CCDC149: variants seen among roughly 807,000 people sequenced by gnomAD.
CCDC149 encodes coiled-coil domain-containing protein 149.
In CCDC149, 45 loss-of-function variants were observed where a neutral mutation model predicts 59.9. The ratio of observed to expected loss-of-function variants is 0.75; its 90% CI spans 0.59 to 0.96. CCDC149 has a LOEUF of 0.96. Among genes scored for constraint, CCDC149 ranks in the 40% least tolerant of loss-of-function variants. The pLI, the probability that CCDC149 is intolerant of heterozygous loss-of-function variation, is 0.00. For missense variants in CCDC149, 584 were observed against 664.7 expected, an observed-to-expected ratio of 0.88 and a Z score of 1.33; for synonymous variants, 245 against 260.6, an observed-to-expected ratio of 0.94 and a Z score of 0.58.
intron 1 of CCDC149, among the ~76,000 whole-genome samples, chr4:24,935,786 A>G (rs1722721375): frequency 6.6e-6 from 1 of 152,228 alleles, no homozygotes; most frequent in Non-Finnish European, 1.5e-5. Context: ...GACACAATGA[A>G]TATATGAGTC....
intron 3 of CCDC149, among the ~76,000 whole-genome samples, chr4:24,870,957 A>C (rs1719003037): frequency 6.6e-6 from 1 of 150,910 alleles, no homozygotes. Context: ...AGGCAGGAGA[A>C]TGTCATGAAC....
chr4:24,904,430 G>A (rs753269094), intron 1 of CCDC149, among the ~76,000 whole-genome samples: 64 of 152,290 alleles, frequency 4.2e-4, no homozygotes, highest in Middle Eastern at 3.4e-3. Flanking sequence ...GGAGCAGTAC[G>A]TTTGCTGCTA....
chr4:24,921,356 T>G (rs930007223), intron 1 of CCDC149, among the ~76,000 whole-genome samples: 1 of 152,230 alleles, frequency 6.6e-6, no homozygotes, highest in African/African-American at 2.4e-5. Flanking sequence ...TGGTAAATTA[T>G]CACTATTCTG....
Position 24,835,745 on chromosome 4 carries a change from C to T in CCDC149, c.735+691G>A, listed in dbSNP as rs755847151. 5.9e-5 allele frequency among the ~76,000 whole-genome samples: 9 copies of T among 152,086 alleles called. No homozygotes were observed. The East Asian group carries it at 1.5e-3, about 26-fold the overall frequency. On this transcript the variant is annotated intron_variant, in intron 7 of 12. Transcript: ENST00000635206. ...GCACGGAGACTTGTGAGAACAAATG[C>T]TAATGTCAAAAGCCAGGAAAATAAG... is the stretch of plus-strand genomic sequence containing the variant.
intron 1 of CCDC149, among the ~76,000 whole-genome samples, chr4:24,957,179 C>CT (rs1723489430): frequency 6.6e-6 from 1 of 152,164 alleles, no homozygotes; most frequent in African/African-American, 2.4e-5. Context: ...CCAGAGCTGT[C>CT]TTTTATAACC....
intron 3 of CCDC149, among the ~76,000 whole-genome samples, chr4:24,855,052 T>C (rs920470896): frequency 6.6e-5 from 10 of 152,200 alleles, no homozygotes; most frequent in African/African-American, 2.4e-4. Context: ...TGACTCCTTG[T>C]CTCCCTCTCC....
In CCDC149 at chr4:24,816,994, G is replaced by A. The variant is rs372463906; in HGVS notation, c.1192+2865C>T. 1.6e-4 allele frequency among the ~76,000 whole-genome samples: 25 copies of A among 152,240 alleles called. No individual in the cohort carries two copies. In the East Asian group the frequency reaches 2.9e-3, roughly 18 times the overall value. On this transcript the variant is annotated intron_variant, in intron 12 of 12. Coordinates refer to ENST00000635206, the MANE Select transcript of CCDC149 (RefSeq NM_001330643.2). ...GATGCGACAGTGATGAGGCCATCCC[G>A]GACGCTGACAGCCACGGCGTAAACA... is the stretch of plus-strand genomic sequence containing the variant.
chr4:24,900,973 C>T (rs1472392073), intron 1 of CCDC149, among the ~76,000 whole-genome samples: 1 of 152,150 alleles, frequency 6.6e-6, no homozygotes, highest in Non-Finnish European at 1.5e-5. Context: ...TGAAGAGGCT[C>T]GAACACCAGG....
At position 24,808,057 on chromosome 4, in the gene CCDC149, A is replaced by G. The variant is rs1714321141; in HGVS notation, c.*332T>C. 5.1e-6 allele frequency: 1 copy of G among 194,198 alleles called. No individual in the cohort carries two copies. The highest frequency in any genetic ancestry group is 6.0e-5 in the Admixed American group (1 of 16,790). 12.0% of individuals were successfully genotyped at this position (194,198 alleles called of 1,614,324 possible). On this transcript the variant is annotated 3_prime_UTR_variant, in exon 13 of 13. Transcript: ENST00000635206. The stretch of plus-strand genomic sequence containing the variant: ...CAACATTAAATGCTAATACAAAAAC[A>G]TCTTATCTCTGATAAAACAAAAGCT...
At chr4:24,889,108 A>T (rs1007435127) in intron 1 of CCDC149, among the ~76,000 whole-genome samples, 26 of 152,162 alleles carry the variant, frequency 1.7e-4, no homozygotes, top group African/African-American at 5.8e-4. Context: ...AAATTCACTG[A>T]CAGTCTTGGC....
intron 1 of CCDC149, among the ~76,000 whole-genome samples, chr4:24,940,217 C>A (rs1722913881): frequency 2.6e-5 from 4 of 152,200 alleles, no homozygotes; most frequent in Admixed American, 1.3e-4. Flanking sequence ...CTCTACAAGC[C>A]AGAAGAGAGT....
At chr4:24,913,322 C>T (rs1478752299), upstream of CCDC149, among the ~76,000 whole-genome samples, 2 of 152,202 alleles carry the variant, frequency 1.3e-5, no homozygotes, top group African/African-American at 4.8e-5. Context: ...ACCATCACGA[C>T]TCCCACGCCT....
At chr4:24,885,709 A>G (rs1720131421) in intron 1 of CCDC149, among the ~76,000 whole-genome samples, 2 of 152,204 alleles carry the variant, frequency 1.3e-5, no homozygotes, top group Admixed American at 6.5e-5. Flanking sequence ...TAATGCCTCC[A>G]CTTTTGCTCT....
chr4:24,893,611 GAC>G (rs1720654036), intron 1 of CCDC149, among the ~76,000 whole-genome samples: 2 of 12,494 alleles, frequency 1.6e-4, no homozygotes, highest in Non-Finnish European at 3.7e-4. Flanking sequence ...CTAAAATACA[GAC>G]TTTTTTTTTT....
At chr4:24,824,157 G>A (rs376472041) in intron 9 of CCDC149, among the ~76,000 whole-genome samples, 9 of 152,202 alleles carry the variant, frequency 5.9e-5, no homozygotes. Context: ...AAGGTGTGCT[G>A]AAGAGATATT....
At chr4:24,869,267 A>C (rs2109227869) in intron 3 of CCDC149, among the ~76,000 whole-genome samples, 1 of 152,266 alleles carries the variant, frequency 6.6e-6, no homozygotes, top group South Asian at 2.1e-4. Flanking sequence ...CAGCGGCCAA[A>C]GGTGTAGGGG....
At chr4:24,905,037 G>A (rs1666118772) in intron 1 of CCDC149, among the ~76,000 whole-genome samples, 1 of 152,048 alleles carries the variant, frequency 6.6e-6, no homozygotes, top group Non-Finnish European at 1.5e-5. Context: ...GAGTAGCTGG[G>A]ATTACAGGTG....
chr4:24,979,713 GA>G (rs1577522484), intron 1 of CCDC149, among the ~76,000 whole-genome samples: 2 of 152,212 alleles, frequency 1.3e-5, no homozygotes, highest in East Asian at 1.9e-4. Flanking sequence ...GCAACGGAAA[GA>G]AAAGGAGGAG....
At chr4:24,868,342 CA>C (rs1247137677) in intron 3 of CCDC149, among the ~76,000 whole-genome samples, 1 of 152,150 alleles carries the variant, frequency 6.6e-6, no homozygotes, top group African/African-American at 2.4e-5. Flanking sequence ...TAAAACCAAT[CA>C]CATGCTTAAA....
Sources: allele counts gnomAD v4.1 joint callset (sites outside exome capture counted in the v4.1 genomes callset), GRCh38; gene constraint gnomAD v4.1.1; transcripts MANE v1.5; gene names NCBI Gene and HGNC (gene_info 2026-07-23, HGNC 2026-07-21).